CDC42BPA: variants seen among roughly 807,000 people sequenced by gnomAD.
The protein encoded by CDC42BPA is CDC42 binding protein kinase alpha, also known as serine/threonine-protein kinase MRCK alpha.
Under a neutral mutation model 223.5 loss-of-function variants are expected in CDC42BPA, and 80 were observed. That is an observed-to-expected ratio of 0.36 (90% CI 0.30 to 0.43). The LOEUF is 0.43. Among genes scored for constraint, CDC42BPA ranks in the 20% least tolerant of loss-of-function variants. CDC42BPA has a pLI of 1.00. For missense variants in CDC42BPA, 1,743 were observed against 2,099.9 expected, an observed-to-expected ratio of 0.83 and a Z score of 3.32; for synonymous variants, 694 against 718.6, an observed-to-expected ratio of 0.97 and a Z score of 0.55.
intron 1 of CDC42BPA, among the ~76,000 whole-genome samples, chr1:227,259,582 G>C (rs949837636): frequency 6.6e-6 from 1 of 150,746 alleles, no homozygotes; most frequent in Non-Finnish European, 1.5e-5. Flanking sequence ...ACTAGACACG[G>C]TTAGCTTCCA....
chr1:227,206,908 G>T (rs961358757), intron 3 of CDC42BPA, among the ~76,000 whole-genome samples: 1 of 151,792 alleles, frequency 6.6e-6, no homozygotes, highest in African/African-American at 2.4e-5. Flanking sequence ...TATGCATGGG[G>T]ACTACTTATC....
At chr1:227,242,349 C>G (rs1572583241) in intron 2 of CDC42BPA, among the ~76,000 whole-genome samples, 1 of 151,976 alleles carries the variant, frequency 6.6e-6, no homozygotes. Flanking sequence ...ATTCACAAAC[C>G]AGACAAGGAT....
intron 1 of CDC42BPA, among the ~76,000 whole-genome samples, chr1:227,279,518 C>T (rs1687673054): frequency 6.6e-6 from 1 of 151,918 alleles, no homozygotes; most frequent in Non-Finnish European, 1.5e-5. Context: ...AGATATTTAA[C>T]TATCATTTTC....
At chr1:227,175,180 C>A (rs982224375) in intron 5 of CDC42BPA, among the ~76,000 whole-genome samples, 2 of 151,914 alleles carry the variant, frequency 1.3e-5, no homozygotes, top group African/African-American at 4.8e-5. Flanking sequence ...CTGATATAAC[C>A]CCTTTTGGAA....
At chr1:227,158,094 T>A (rs1663153910) in intron 6 of CDC42BPA, among the ~76,000 whole-genome samples, 1 of 152,038 alleles carries the variant, frequency 6.6e-6, no homozygotes. Flanking sequence ...AGTGAGTAGC[T>A]GGGATTACAG....
chr1:227,216,652 A>G (rs550570171), intron 2 of CDC42BPA, among the ~76,000 whole-genome samples: 10 of 152,298 alleles, frequency 6.6e-5, no homozygotes, highest in South Asian at 4.1e-4. Context: ...AAAATCAAGA[A>G]GAGGAGGATT....
chr1:227,037,314 AAG>A (rs923402035), intron 24 of CDC42BPA, among the ~76,000 whole-genome samples: 8 of 152,192 alleles, frequency 5.3e-5, no homozygotes, highest in African/African-American at 1.9e-4. Flanking sequence ...TTAACTATGT[AAG>A]AGACTCATGT....
At position 227,026,135 on chromosome 1, in the gene CDC42BPA, G is replaced by A. The variant is rs763493218; in HGVS notation, c.4450C>T (p.Leu1484Phe). 1.9e-6 allele frequency: 3 copies of A among 1,601,364 alleles called. No individual in the cohort carries two copies. The highest frequency in any genetic ancestry group is 2.6e-6 in the Non-Finnish European group (3 of 1,171,328). Reference sequence around the variant, plus strand: ...ACTGCATTTTCACTGTACACCGAGAGATATGGTGCATTGTAACCTGGGAGA... The same window carrying A: ...ACTGCATTTTCACTGTACACCGAGAAATATGGTGCATTGTAACCTGGGAGA... ...PSSCCYNAPY[L>F]SVYSENAVDI... is the part of the protein sequence containing the mutation. Residue 1484 changes from leucine to phenylalanine, a missense_variant, in exon 31 of 37, where the codon CTC becomes TTC. Physicochemically the swap from Leu to Phe is conservative, Grantham distance 22. Coordinates refer to ENST00000366766, the MANE Select transcript of CDC42BPA (RefSeq NM_001394014.1).
At chr1:227,316,916 G>A (rs1694502446) in intron 1 of CDC42BPA, 89 bp downstream of exon 1, 2 of 910,856 alleles carry the variant, frequency 2.2e-6, no homozygotes, top group Non-Finnish European at 3.4e-6. Flanking sequence ...TTCTTTGAAC[G>A]GAGTAGAGTT....
chr1:227,082,511 G>A (rs983361020), intron 16 of CDC42BPA, among the ~76,000 whole-genome samples: 4 of 151,678 alleles, frequency 2.6e-5, no homozygotes, highest in African/African-American at 9.7e-5. Context: ...TCAGGAGATC[G>A]AGGCCATCCT....
intron 2 of CDC42BPA, among the ~76,000 whole-genome samples, chr1:227,237,931 C>T (rs918786668): frequency 1.1e-4 from 16 of 147,542 alleles, no homozygotes; most frequent in African/African-American, 1.3e-4. Context: ...CCCAACTACT[C>T]GGGAGGCTAA....
chr1:227,134,442 T>C (rs756789969), intron 10 of CDC42BPA, among the ~76,000 whole-genome samples: 3 of 152,202 alleles, frequency 2.0e-5, no homozygotes, highest in Non-Finnish European at 4.4e-5. Context: ...TCTTTTCGTC[T>C]CCATACTGAC....
intron 33 of CDC42BPA, 99 bp from the exon 34 acceptor site, chr1:227,016,296 T>C: frequency 1.4e-6 from 1 of 713,166 alleles, no homozygotes; most frequent in Non-Finnish European, 2.5e-6. Context: ...AATACAACTG[T>C]TAAATCACAT....
In CDC42BPA at chr1:227,318,058, G is replaced by A; in HGVS notation, c.-876C>T. ...GCCCACTCCATGTCGGTGGTCGCTC[G>A]TGGGCCGAGCCGCGCCGCGCCGCGC... On this transcript the variant is annotated 5_prime_UTR_variant, in exon 1 of 37. In the 5' UTR this introduces an upstream ATG that the reference lacks. Transcript: ENST00000366766. 1 of 304,014 alleles carries A rather than the reference G, an allele frequency of 3.3e-6. No individual in the cohort carries two copies. Among genetic ancestry groups the A allele is most frequent in the Non-Finnish European group, 6.0e-6 (1 of 167,170 alleles). The allele number at this position is 304,014 out of a possible 1,614,324, so 18.8% of individuals were successfully genotyped here.
chr1:227,026,084 C>A lies in CDC42BPA; in HGVS notation c.4501G>T (p.Glu1501Ter). Reference protein sequence around the residue: ...AVDIFDVNSMEWIQTLPLKKV... With the variant: ...AVDIFDVNSM The stretch of plus-strand genomic sequence containing the variant: ...TTGAGAGGAAGAGTCTGAATCCATT[C>A]CATGGAGTTCACATCAAAGATATCA... The change falls in exon 31 of 37, where the codon GAA (glutamate) becomes TAA (stop). Residue 1501 changes from glutamate to a stop codon, truncating the protein, a stop_gained. Coordinates refer to ENST00000366766, the MANE Select transcript of CDC42BPA (RefSeq NM_001394014.1). LOFTEE classifies it high-confidence loss of function. The A allele has an allele frequency of 1.2e-6, 2 of 1,602,032 alleles. No homozygotes were observed. Among genetic ancestry groups the A allele is most frequent in the Non-Finnish European group, 1.7e-6 (2 of 1,170,958 alleles).
intron 1 of CDC42BPA, among the ~76,000 whole-genome samples, chr1:227,279,145 T>A (rs1023496595): frequency 2.6e-5 from 4 of 152,072 alleles, no homozygotes; most frequent in African/African-American, 7.2e-5. Flanking sequence ...TTTCTTTTGG[T>A]CTTCATGGAT....
At chr1:227,237,975 T>G (rs143114665) in intron 2 of CDC42BPA, among the ~76,000 whole-genome samples, 1 of 147,500 alleles carries the variant, frequency 6.8e-6, no homozygotes, top group African/African-American at 2.5e-5. Flanking sequence ...GGGGTGGAGG[T>G]TGCAGTGGGC....
chr1:227,199,676 T>C lies in CDC42BPA; in HGVS notation c.355-24A>G, dbSNP rs752938148. 15 of 1,146,570 alleles carry C rather than the reference T, an allele frequency of 1.3e-5. No homozygotes were observed. In the South Asian group the frequency reaches 1.9e-4, roughly 15 times the overall value. 71.0% of individuals were successfully genotyped at this position (1,146,570 alleles called of 1,614,324 possible). On this transcript the variant is annotated intron_variant, in intron 3 of 36. Transcript: ENST00000366766. ...GTCTGAAACACAAAAAGAAAATTTT[T>C]AGAGCATACTTTATGTAAAACTAGG...
intron 14 of CDC42BPA, among the ~76,000 whole-genome samples, chr1:227,108,769 A>G (rs933310283): frequency 2.0e-5 from 3 of 152,186 alleles, no homozygotes; most frequent in Non-Finnish European, 4.4e-5. Context: ...ACATATTGCT[A>G]AACGACAGGG....
Sources: gnomAD v4.1 joint callset for allele counts (sites outside exome capture counted in the v4.1 genomes callset) on GRCh38, gnomAD v4.1.1 for gene constraint, MANE v1.5 for transcripts, NCBI Gene and HGNC (gene_info 2026-07-23, HGNC 2026-07-21) for gene names.